FOXO1: variants seen among roughly 807,000 people sequenced by gnomAD.
FOXO1 encodes the protein forkhead box O1.
In FOXO1, 6 loss-of-function variants were observed where a neutral mutation model predicts 44.1. That is an observed-to-expected ratio of 0.14 (90% CI 0.07 to 0.27). The LOEUF is 0.27. Ranked by LOEUF, FOXO1 falls within the 10% of genes least tolerant of loss-of-function variation. The pLI, the probability that FOXO1 is intolerant of heterozygous loss-of-function variation, is 1.00. For synonymous variants in FOXO1, 380 were observed against 362.7 expected (o/e 1.05, Z -0.54); for missense variants, 737 against 888.8 (o/e 0.83, Z 2.17).
chr13:40,608,162 T>C (rs1352034147), intron 1 of FOXO1, among the ~76,000 whole-genome samples: 1 of 152,248 alleles, frequency 6.6e-6, no homozygotes, highest in Non-Finnish European at 1.5e-5. Context: ...TTTTTAGCAT[T>C]TGTGGTAGGA....
chr13:40,634,985 T>C (rs1248750670), intron 1 of FOXO1, among the ~76,000 whole-genome samples: 1 of 152,152 alleles, frequency 6.6e-6, no homozygotes, highest in East Asian at 1.9e-4. Context: ...CCCCAATTTT[T>C]AAAAACAAAA....
rs771959182 is a variant in FOXO1 at position 40,560,368 on chromosome 13, A to G, written c.1123T>C (p.Leu375=). The change falls in exon 2 of 3, where the codon TTG becomes CTG. Residue 375 remains leucine (L), a synonymous_variant. Coordinates refer to ENST00000379561, the MANE Select transcript of FOXO1 (RefSeq NM_002015.4). The surrounding 1 kb of genome is among the most constrained non-coding windows in gnomAD (Gnocchi z 5.1). The part of the protein sequence containing the change: ...ISNPENMENL[L]DNLNLLSSPT... ...GATGAGAGAAGGTTGAGATTATCCA[A>G]AAGATTTTCCATGTTTTCGGGATTG... 17 of 1,614,042 alleles carry G rather than the reference A, an allele frequency of 1.1e-5. No individual in the cohort carries two copies. In the African/African-American group the frequency reaches 2.0e-4, roughly 19 times the overall value.
Position 40,616,655 on chromosome 13 carries a change from T to C in FOXO1, c.630+48928A>G, listed in dbSNP as rs61187777. ...TTGCTGGAGGTATCGGAAGCTACTA[T>C]AGGGCAGAATAAGACTGAAATACAA... On this transcript the variant is annotated intron_variant, in intron 1 of 2. Transcript: ENST00000379561. Among the ~76,000 whole-genome samples, 644 of 152,290 alleles carry C rather than the reference T, an allele frequency of 4.2e-3. 4 individuals are homozygous for C. Among genetic ancestry groups the C allele is most frequent in the African/African-American group, 0.015 (613 of 41,556 alleles).
chr13:40,579,925 T>C (rs1217728336), intron 1 of FOXO1, among the ~76,000 whole-genome samples: 1 of 152,246 alleles, frequency 6.6e-6, no homozygotes, highest in African/African-American at 2.4e-5. Context: ...TTGCACACTA[T>C]TTGCAACTAA....
At chr13:40,617,605 G>A (rs978568513) in intron 1 of FOXO1, among the ~76,000 whole-genome samples, 3 of 151,990 alleles carry the variant, frequency 2.0e-5, no homozygotes, top group Non-Finnish European at 4.4e-5. Context: ...CAGAGCCACA[G>A]TACACACGCC....
At chr13:40,635,898 C>A (rs1414888955) in intron 1 of FOXO1, among the ~76,000 whole-genome samples, 1 of 152,176 alleles carries the variant, frequency 6.6e-6, no homozygotes. Context: ...GTGACAGACC[C>A]ACAGTGGCGC....
At chr13:40,588,950 C>T (rs1258096374) in intron 1 of FOXO1, among the ~76,000 whole-genome samples, 1 of 151,998 alleles carries the variant, frequency 6.6e-6, no homozygotes, top group East Asian at 1.9e-4. Flanking sequence ...ATTAAAAATG[C>T]AAAAATTAGC....
At chr13:40,586,902 T>G (rs1875188398) in intron 1 of FOXO1, among the ~76,000 whole-genome samples, 1 of 152,160 alleles carries the variant, frequency 6.6e-6, no homozygotes, top group Admixed American at 6.5e-5. Flanking sequence ...CGTTGAACAA[T>G]CCTCTACTGG....
chr13:40,557,548 C>T lies in FOXO1; in HGVS notation c.*1501G>A, dbSNP rs1372340126. On this transcript the variant is annotated 3_prime_UTR_variant, in exon 3 of 3. Transcript: ENST00000379561. ...AACTTATGAACACAAATTCTACAAA[C>T]CACTCAAGTCCCATTTTTAAATTCC... 6 of 152,214 alleles carry T rather than the reference C, an allele frequency of 3.9e-5. No individual in the cohort carries two copies. The highest frequency in any genetic ancestry group is 8.8e-5 in the Non-Finnish European group (6 of 68,030). The allele number at this position is 152,214 out of a possible 1,614,324, so 9.4% of individuals were successfully genotyped here. A position where few individuals can be genotyped will look rare whatever the true frequency, so the allele number is the denominator to read the frequency against.
intron 1 of FOXO1, among the ~76,000 whole-genome samples, chr13:40,585,343 G>GCACACACA (rs1555248752): frequency 0.028 from 4,059 of 147,094 alleles, 79 homozygotes; most frequent in East Asian, 0.12. Context: ...CTGCGCGCGC[G>GCACACACA]CACACACACA....
chr13:40,613,152 T>C (rs1414172319), intron 1 of FOXO1, among the ~76,000 whole-genome samples: 1 of 152,154 alleles, frequency 6.6e-6, no homozygotes, highest in African/African-American at 2.4e-5. Flanking sequence ...CATCTCTCCA[T>C]CAGGATTATC....
At chr13:40,637,118 C>T (rs967319465) in intron 1 of FOXO1, among the ~76,000 whole-genome samples, 4 of 152,046 alleles carry the variant, frequency 2.6e-5, no homozygotes, top group African/African-American at 7.3e-5. Flanking sequence ...ACTGTGACAG[C>T]CTTTCTGGTG....
intron 1 of FOXO1, among the ~76,000 whole-genome samples, chr13:40,574,046 A>ATTC (rs1874646187): frequency 6.6e-6 from 1 of 152,202 alleles, no homozygotes; most frequent in East Asian, 1.9e-4. Context: ...CCAAAAGGGA[A>ATTC]CTGAATATCA....
intron 2 of FOXO1, 63 bp from the exon 3 acceptor site, chr13:40,559,097 A>G (rs1279633473): frequency 2.5e-6 from 1 of 402,896 alleles, no homozygotes; most frequent in Non-Finnish European, 4.4e-6. Context: ...TAGCCAAATT[A>G]AAATCAATTC....
At chr13:40,588,503 C>T (rs1875255039) in intron 1 of FOXO1, among the ~76,000 whole-genome samples, 1 of 152,138 alleles carries the variant, frequency 6.6e-6, no homozygotes, top group African/African-American at 2.4e-5. Context: ...AGTCCAGGAA[C>T]AAATTATATT....
intron 1 of FOXO1, among the ~76,000 whole-genome samples, chr13:40,611,412 C>A (rs527803683): frequency 3.3e-5 from 5 of 152,262 alleles, no homozygotes; most frequent in Non-Finnish European, 7.4e-5. Flanking sequence ...AGGATATGAC[C>A]AATAAATTTA....
chr13:40,636,083 G>A (rs1019471519), intron 1 of FOXO1, among the ~76,000 whole-genome samples: 7 of 151,968 alleles, frequency 4.6e-5, no homozygotes, highest in Admixed American at 2.0e-4. Context: ...GGCATGGTGC[G>A]GTACACCTGT....
chr13:40,651,019 A>G lies in FOXO1; in HGVS notation c.630+14564T>C, dbSNP rs183975669. ...ATCTGCTGACTTCAAGTGATCCGCC[A>G]ACCTCAGCCTCCCAAAGTGCTGGGG... is the stretch of plus-strand genomic sequence containing the variant. On this transcript the variant is annotated intron_variant, in intron 1 of 2. Coordinates refer to ENST00000379561, the MANE Select transcript of FOXO1 (RefSeq NM_002015.4). Among the ~76,000 whole-genome samples, 1,109 of 152,088 alleles carry G rather than the reference A, an allele frequency of 7.3e-3. 8 individuals carry two copies. The highest frequency in any genetic ancestry group is 0.012 in the Non-Finnish European group (835 of 67,980).
chr13:40,583,660 C>T (rs984655848), intron 1 of FOXO1, among the ~76,000 whole-genome samples: 1 of 152,184 alleles, frequency 6.6e-6, no homozygotes, highest in Non-Finnish European at 1.5e-5. Context: ...CCTCCCTCAA[C>T]CTTCACAGAA....
Sources: allele counts gnomAD v4.1 joint callset (sites outside exome capture counted in the v4.1 genomes callset), GRCh38; gene constraint gnomAD v4.1.1; non-coding constraint Gnocchi (gnomAD v3.1); transcripts MANE v1.5; gene names NCBI Gene and HGNC (gene_info 2026-07-23, HGNC 2026-07-21).